Variants in HSD11B1 observed in about 807,000 individuals in gnomAD.
HSD11B1 encodes hydroxysteroid 11-beta dehydrogenase 1.
In HSD11B1, 15 loss-of-function variants were observed where a neutral mutation model predicts 22.1. The ratio of observed to expected loss-of-function variants is 0.68; its 90% CI spans 0.45 to 1.04. The LOEUF (loss-of-function observed/expected upper bound fraction) is 1.04. Ranked by LOEUF, HSD11B1 falls within the 50% of genes least tolerant of loss-of-function variation. The pLI is 0.00. For synonymous variants in HSD11B1, 122 were observed against 125.2 expected, an observed-to-expected ratio of 0.97 and a Z score of 0.17; for missense variants, 281 against 357.6, an observed-to-expected ratio of 0.79 and a Z score of 1.73.
Position 209,705,021 on chromosome 1 carries a change from T to C in HSD11B1, c.79T>C (p.Phe27Leu). The C allele has an allele frequency of 6.2e-7, 1 of 1,613,130 alleles. No homozygotes were observed. Among genetic ancestry groups the C allele is most frequent in the Non-Finnish European group, 8.5e-7 (1 of 1,179,134 alleles). ...AYYYYSANEE[F>L]RPEMLQGKKV... ...CTACTACTATTCTGCAAACGAGGAA[T>C]TCAGACCAGGTAAGTACCCATGCGT... The change falls in exon 1 of 6, where the codon TTC becomes CTC. Residue 27 changes from phenylalanine to leucine, a missense_variant. Physicochemically the swap from Phe to Leu is conservative, Grantham distance 22 (BLOSUM62 0). Transcript: ENST00000367027.
At chr1:209,698,279 T>A (rs2076805768) in intron 1 of HSD11B1, among the ~76,000 whole-genome samples, 1 of 152,150 alleles carries the variant, frequency 6.6e-6, no homozygotes, top group African/African-American at 2.4e-5. Flanking sequence ...AAATTCAGAT[T>A]TAACTGTATT....
At chr1:209,693,871 C>G (rs766518017) in intron 1 of HSD11B1, among the ~76,000 whole-genome samples, 2 of 152,176 alleles carry the variant, frequency 1.3e-5, no homozygotes, top group African/African-American at 2.4e-5. Flanking sequence ...CACTTTAGCT[C>G]CTCTGGAACT....
intron 1 of HSD11B1, among the ~76,000 whole-genome samples, chr1:209,693,948 C>T (rs561258225): frequency 6.6e-6 from 1 of 152,290 alleles, no homozygotes; most frequent in South Asian, 2.1e-4. Context: ...TTCTCACCTT[C>T]CTTGACCTCT....
At chr1:209,710,145 A>C (rs1162533994) in intron 4 of HSD11B1, among the ~76,000 whole-genome samples, 1 of 152,246 alleles carries the variant, frequency 6.6e-6, no homozygotes, top group Non-Finnish European at 1.5e-5. Context: ...ATGACTAAAA[A>C]AAATCACTGG....
chr1:209,700,747 C>T (rs2076821671), upstream of HSD11B1, among the ~76,000 whole-genome samples: 2 of 152,208 alleles, frequency 1.3e-5, no homozygotes, highest in South Asian at 4.1e-4. Flanking sequence ...ATGCTTTTAA[C>T]AGAACCCAAG....
upstream of HSD11B1, chr1:209,686,223 G>C (rs1381373467): frequency 2.0e-5 from 3 of 152,066 alleles, no homozygotes; most frequent in Non-Finnish European, 4.4e-5. Context: ...GAGAGAGAGA[G>C]AAGAGAAGAA....
intron 1 of HSD11B1, among the ~76,000 whole-genome samples, chr1:209,687,186 G>T (rs909801281): frequency 1.4e-4 from 21 of 152,220 alleles, no homozygotes; most frequent in African/African-American, 4.8e-4. Context: ...AGACGACGAT[G>T]ATGTGTTTTC....
intron 1 of HSD11B1, among the ~76,000 whole-genome samples, chr1:209,692,613 G>GGGC (rs1553286726): frequency 7.0e-5 from 5 of 71,082 alleles, no homozygotes; most frequent in Admixed American, 2.5e-4. Flanking sequence ...ATGGCGGGGG[G>GGGC]GGGGGTGGGG....
At chr1:209,716,095 C>A (rs1161898229) in intron 4 of HSD11B1, among the ~76,000 whole-genome samples, 2 of 152,066 alleles carry the variant, frequency 1.3e-5, no homozygotes, top group African/African-American at 4.8e-5. Flanking sequence ...GGCAATCAGG[C>A]AAGAGAAAGA....
intron 4 of HSD11B1, 32 bp downstream of exon 4, chr1:209,707,160 G>T (rs1446181676): frequency 2.0e-6 from 3 of 1,532,168 alleles, no homozygotes. Flanking sequence ...GTGGAAGGTA[G>T]AAGAAAAAAA....
Position 209,732,637 on chromosome 1 carries a change from T to C in HSD11B1, c.661+58T>C, listed in dbSNP as rs558664957. ...ATTATACTTTAAGTTCTAGGGTACATGTGCAGAACATGCAGGTTTGTTACA... is the reference window on the plus strand; with the variant it reads ...ATTATACTTTAAGTTCTAGGGTACACGTGCAGAACATGCAGGTTTGTTACA... On this transcript the variant is annotated intron_variant, in intron 5 of 5. Coordinates refer to ENST00000367027, the MANE Select transcript of HSD11B1 (RefSeq NM_005525.4). 5 of 1,435,664 alleles carry C rather than the reference T, an allele frequency of 3.5e-6. No individual in the cohort carries two copies. In the African/African-American group the frequency reaches 4.2e-5, roughly 12 times the overall value. The allele number at this position is 1,435,664 out of a possible 1,614,324, so 88.9% of individuals were successfully genotyped here. A position where few individuals can be genotyped will look rare whatever the true frequency, so the allele number is the denominator to read the frequency against.
In HSD11B1 at chr1:209,734,594, T is replaced by G. The variant is rs2077056143; in HGVS notation, c.*73T>G. 3.6e-6 allele frequency: 4 copies of G among 1,101,388 alleles called. No individual in the cohort carries two copies. Among genetic ancestry groups the G allele is most frequent in the Non-Finnish European group, 5.5e-6 (4 of 724,336 alleles). The allele number at this position is 1,101,388 out of a possible 1,614,324, so 68.2% of individuals were successfully genotyped here. ...TCTCATGTTTATCTGAGCTCTTATC[T>G]ATGAAGACATCTTCCCAGAGTGTCC... On this transcript the variant is annotated 3_prime_UTR_variant, in exon 6 of 6. Coordinates refer to ENST00000367027, the MANE Select transcript of HSD11B1 (RefSeq NM_005525.4).
chr1:209,700,552 AG>A (rs2076820557), upstream of HSD11B1, among the ~76,000 whole-genome samples: 1 of 152,214 alleles, frequency 6.6e-6, no homozygotes, highest in Non-Finnish European at 1.5e-5. Flanking sequence ...GCTGCCATGA[AG>A]GTCTCTGACA....
At chr1:209,720,731 G>A (rs2076959920) in intron 4 of HSD11B1, among the ~76,000 whole-genome samples, 1 of 151,936 alleles carries the variant, frequency 6.6e-6, no homozygotes, top group African/African-American at 2.4e-5. Flanking sequence ...TTGCTATAAA[G>A]GATATTATTG....
At chr1:209,704,526 C>A (rs992482574), upstream of HSD11B1, among the ~76,000 whole-genome samples, 2 of 152,070 alleles carry the variant, frequency 1.3e-5, no homozygotes, top group African/African-American at 2.4e-5. Context: ...CATTTCCCCC[C>A]AGAAGCCCTA....
intron 4 of HSD11B1, among the ~76,000 whole-genome samples, chr1:209,727,571 GA>G (rs769352230): frequency 1.7e-4 from 26 of 152,130 alleles, no homozygotes; most frequent in Middle Eastern, 3.2e-3. Context: ...ATGGCTCCTG[GA>G]AAACACTCAT....
At chr1:209,705,691 T>C (rs1360148361) in intron 1 of HSD11B1, 120 bp from the exon 2 acceptor site, 4 of 1,238,730 alleles carry the variant, frequency 3.2e-6, no homozygotes, top group Admixed American at 3.4e-5. Context: ...TGTGACAAAC[T>C]GATCTGGGCT....
chr1:209,718,732 C>T (rs2076945724), intron 4 of HSD11B1, among the ~76,000 whole-genome samples: 1 of 152,006 alleles, frequency 6.6e-6, no homozygotes, highest in African/African-American at 2.4e-5. Flanking sequence ...TGGGTATATA[C>T]ACAGAAGAAT....
rs554131439 is a variant in HSD11B1, at chr1:209,698,200, T to C, written c.-48-6695T>C. Reference sequence around the variant, plus strand: ...ATAGATAGATAGATAGATAGATAGATAGATAGATAGATAGATAGGAAGGAC... The same window carrying C: ...ATAGATAGATAGATAGATAGATAGACAGATAGATAGATAGATAGGAAGGAC... On this transcript the variant is annotated intron_variant, in intron 1 of 6. Coordinates refer to the HSD11B1 transcript ENST00000261465. Among the ~76,000 whole-genome samples, 323 of 151,648 alleles carry C rather than the reference T, an allele frequency of 2.1e-3. 1 individual carries two copies. The highest frequency in any genetic ancestry group is 0.01 in the Middle Eastern group (3 of 294).
Sources: gnomAD v4.1 joint callset for allele counts (sites outside exome capture counted in the v4.1 genomes callset) on GRCh38, gnomAD v4.1.1 for gene constraint, MANE v1.5 for transcripts, NCBI Gene and HGNC (gene_info 2026-07-23, HGNC 2026-07-21) for gene names.